RSU1: variants seen among roughly 807,000 people sequenced by gnomAD.
The protein encoded by RSU1 is rsu-1.
RSU1 carries 26 observed loss-of-function variants against 31.1 expected under a neutral mutation model. That is an observed-to-expected ratio of 0.84 (90% CI 0.61 to 1.16). RSU1 has a LOEUF of 1.16. RSU1 is among the 50% of genes most tolerant of loss of function. RSU1 has a pLI of 0.00. For synonymous variants in RSU1, 164 were observed against 136.3 expected (o/e 1.20, Z -1.41); for missense variants, 320 against 339.1 (o/e 0.94, Z 0.44).
intron 8 of RSU1, among the ~76,000 whole-genome samples, chr10:16,675,157 C>A (rs867098056): frequency 2.7e-5 from 4 of 149,334 alleles, no homozygotes; most frequent in Non-Finnish European, 5.9e-5. Flanking sequence ...GGTGAGATTG[C>A]ACCCCTGCAC....
chr10:16,647,642 G>C (rs1457128501), intron 8 of RSU1, among the ~76,000 whole-genome samples: 1 of 152,182 alleles, frequency 6.6e-6, no homozygotes, highest in African/African-American at 2.4e-5. Flanking sequence ...GAGACAGAGA[G>C]TAGATGAGTG....
intron 8 of RSU1, 147 bp downstream of exon 8, chr10:16,694,876 G>A (rs1835641239): frequency 5.5e-6 from 4 of 726,062 alleles, no homozygotes; most frequent in Non-Finnish European, 8.7e-6. Flanking sequence ...ACCACACCTG[G>A]CCGACATGCA....
intron 8 of RSU1, among the ~76,000 whole-genome samples, chr10:16,692,185 T>C (rs912135311): frequency 5.3e-5 from 8 of 152,164 alleles, no homozygotes; most frequent in African/African-American, 1.9e-4. Flanking sequence ...AGGATGCTAA[T>C]AACAGACATA....
Position 16,683,815 on chromosome 10 carries a change from T to C in RSU1, c.731+11208A>G, listed in dbSNP as rs568540199. Reference sequence around the variant, plus strand: ...AATACATTTGAGAAATATACTGGTTTGGTCCAAAGGCGGTTCAACAATTCA... The same window carrying C: ...AATACATTTGAGAAATATACTGGTTCGGTCCAAAGGCGGTTCAACAATTCA... On this transcript the variant is annotated intron_variant, in intron 8 of 8. Coordinates refer to ENST00000345264, the MANE Select transcript of RSU1 (RefSeq NM_012425.4). Among the ~76,000 whole-genome samples, 8 of 152,334 alleles carry C rather than the reference T, an allele frequency of 5.3e-5. No homozygotes were observed. The South Asian group carries it at 1.5e-3, about 28-fold the overall frequency.
intron 7 of RSU1, among the ~76,000 whole-genome samples, chr10:16,695,501 A>G (rs960630408): frequency 6.6e-6 from 1 of 152,242 alleles, no homozygotes; most frequent in African/African-American, 2.4e-5. Flanking sequence ...TGACCATGTC[A>G]GTATGCATCA....
chr10:16,704,416 T>A (rs907782751), intron 7 of RSU1, among the ~76,000 whole-genome samples: 1 of 152,190 alleles, frequency 6.6e-6, no homozygotes, highest in Non-Finnish European at 1.5e-5. Flanking sequence ...ATACTCAAGG[T>A]CATGTGACTA....
intron 7 of RSU1, among the ~76,000 whole-genome samples, chr10:16,707,547 A>T (rs1422478342): frequency 6.9e-6 from 1 of 145,268 alleles, no homozygotes; most frequent in Non-Finnish European, 1.5e-5. Context: ...CTATTAAGGT[A>T]GTTTGCCCAT....
chr10:16,708,826 T>A (rs66476775), intron 7 of RSU1, among the ~76,000 whole-genome samples: 10,056 of 151,494 alleles, frequency 0.066, 652 homozygotes, highest in African/African-American at 0.17. Context: ...TTTTTTTTTT[T>A]AAGCTATCGT....
At chr10:16,621,504 A>T (rs552747293) in intron 8 of RSU1, among the ~76,000 whole-genome samples, 1 of 152,304 alleles carries the variant, frequency 6.6e-6, no homozygotes, top group South Asian at 2.1e-4. Context: ...TAATGACTGT[A>T]TTAGTCTGTT....
At position 16,645,903 on chromosome 10, in the gene RSU1, C is replaced by T. The variant is rs1236076790; in HGVS notation, c.731+49120G>A. On this transcript the variant is annotated intron_variant, in intron 8 of 8. Transcript: ENST00000345264. ...GTGTATATACATATATGTATATACA[C>T]ATATATGTATATATATGTGTATATA... Among the ~76,000 whole-genome samples the T allele has an allele frequency of 2.5e-4, 23 of 92,440 alleles. 4 individuals are homozygous for T. The highest frequency in any genetic ancestry group is 1.6e-3 in the African/African-American group (22 of 14,002). 60.6% of individuals were successfully genotyped at this position (92,440 alleles called of 152,430 possible).
In RSU1 at chr10:16,714,758, T is replaced by C. The variant is rs551357517; in HGVS notation, c.599-19603A>G. On this transcript the variant is annotated intron_variant, in intron 7 of 8. Coordinates refer to ENST00000345264, the MANE Select transcript of RSU1 (RefSeq NM_012425.4). ...AGGCCTCCAGGATGAAAAGAGTCAATTGCTACTGGTGCGCAGGGCAGGATG... is the reference window on the plus strand; with the variant it reads ...AGGCCTCCAGGATGAAAAGAGTCAACTGCTACTGGTGCGCAGGGCAGGATG... Among the ~76,000 whole-genome samples, 6 of 152,104 alleles carry C rather than the reference T, an allele frequency of 3.9e-5. No homozygotes were observed. The South Asian group carries it at 8.3e-4, about 21-fold the overall frequency.
intron 4 of RSU1, among the ~76,000 whole-genome samples, chr10:16,756,290 C>T (rs868605376): frequency 3.3e-5 from 5 of 152,208 alleles, no homozygotes; most frequent in Admixed American, 2.6e-4. Flanking sequence ...CTTAACACCA[C>T]TGAACTGTCT....
At chr10:16,683,711 G>C (rs1835380663) in intron 8 of RSU1, among the ~76,000 whole-genome samples, 1 of 152,192 alleles carries the variant, frequency 6.6e-6, no homozygotes, top group Non-Finnish European at 1.5e-5. Context: ...GCCCCCAGGA[G>C]GTCCTGAGAA....
At chr10:16,665,936 C>G (rs1834980857) in intron 8 of RSU1, among the ~76,000 whole-genome samples, 1 of 152,198 alleles carries the variant, frequency 6.6e-6, no homozygotes, top group Non-Finnish European at 1.5e-5. Context: ...AGCTGGTATT[C>G]TGCCACATAA....
At chr10:16,759,927 G>C (rs1166328816) in intron 4 of RSU1, among the ~76,000 whole-genome samples, 1 of 152,150 alleles carries the variant, frequency 6.6e-6, no homozygotes, top group Non-Finnish European at 1.5e-5. Context: ...GATCTCCTGT[G>C]TGTATGCTTT....
chr10:16,814,067 G>A (rs1838470108), intron 2 of RSU1, among the ~76,000 whole-genome samples: 1 of 152,154 alleles, frequency 6.6e-6, no homozygotes, highest in Non-Finnish European at 1.5e-5. Flanking sequence ...GCTATTCTCT[G>A]TACATACAAG....
chr10:16,732,752 T>A (rs924704522), intron 7 of RSU1, among the ~76,000 whole-genome samples: 10 of 152,228 alleles, frequency 6.6e-5, no homozygotes, highest in Admixed American at 4.6e-4. Context: ...TTAACTATTC[T>A]TCAAGTTTCA....
chr10:16,692,640 G>A (rs1277026467), intron 8 of RSU1, among the ~76,000 whole-genome samples: 2 of 151,964 alleles, frequency 1.3e-5, no homozygotes, highest in Non-Finnish European at 2.9e-5. Context: ...AATTTACAAA[G>A]AAGAAGATAA....
chr10:16,790,573 G>A (rs1837891484), intron 2 of RSU1, among the ~76,000 whole-genome samples: 1 of 152,174 alleles, frequency 6.6e-6, no homozygotes, highest in African/African-American at 2.4e-5. Flanking sequence ...GGGTGATGGA[G>A]TCAATCCCAG....
Sources: allele counts gnomAD v4.1 joint callset (sites outside exome capture counted in the v4.1 genomes callset), GRCh38; gene constraint gnomAD v4.1.1; transcripts MANE v1.5; gene names NCBI Gene and HGNC (gene_info 2026-07-23, HGNC 2026-07-21).